Variants in ALLC observed in about 807,000 individuals in gnomAD.
ALLC encodes the protein probable inactive allantoicase.
A neutral mutation model predicts 45.0 loss-of-function variants in ALLC; 40 were observed. The ratio of observed to expected loss-of-function variants is 0.89; its 90% CI spans 0.69 to 1.16. The LOEUF (loss-of-function observed/expected upper bound fraction) is 1.16. Among genes scored for constraint, ALLC ranks in the 50% most tolerant of loss-of-function variants. The pLI is 0.00. For missense variants in ALLC, 488 were observed against 493.1 expected (o/e 0.99, Z 0.10); for synonymous variants, 176 against 178.1 (o/e 0.99, Z 0.09).
upstream of ALLC, among the ~76,000 whole-genome samples, chr2:3,654,490 C>T (rs770381489): frequency 9.2e-5 from 14 of 152,244 alleles, no homozygotes; most frequent in Non-Finnish European, 1.8e-4. Flanking sequence ...CTGGGGCCGT[C>T]TAGGAGGCTG....
intron 1 of ALLC, among the ~76,000 whole-genome samples, chr2:3,659,534 C>T (rs1402985596): frequency 6.6e-6 from 1 of 152,210 alleles, no homozygotes; most frequent in Non-Finnish European, 1.5e-5. Context: ...GGAGGGGTTG[C>T]AGCAATGAGC....
At chr2:3,666,800 G>A (rs1361334366) in intron 1 of ALLC, among the ~76,000 whole-genome samples, 1 of 152,152 alleles carries the variant, frequency 6.6e-6, no homozygotes, top group Non-Finnish European at 1.5e-5. Flanking sequence ...GACGGTGGTG[G>A]GTGAGCTCTG....
upstream of ALLC, among the ~76,000 whole-genome samples, chr2:3,654,367 C>T (rs149059768): frequency 1.7e-3 from 257 of 152,364 alleles, no homozygotes; most frequent in African/African-American, 5.9e-3. Flanking sequence ...TTTGATGGCG[C>T]AGCCTCGGAA....
At chr2:3,654,868 G>A (rs1325876093), upstream of ALLC, among the ~76,000 whole-genome samples, 2 of 152,252 alleles carry the variant, frequency 1.3e-5, no homozygotes, top group Non-Finnish European at 2.9e-5. Context: ...GTTTTCAGGC[G>A]AAGGTTGCCA....
chr2:3,679,732 C>A, intron 4 of ALLC, 137 bp from the exon 5 acceptor site: 1 of 1,171,872 alleles, frequency 8.5e-7, no homozygotes, highest in Non-Finnish European at 1.2e-6. Flanking sequence ...TAGCTAAGAA[C>A]CGCCCTGAAC....
intron 2 of ALLC, among the ~76,000 whole-genome samples, chr2:3,673,548 C>T (rs1666947797): frequency 6.6e-6 from 1 of 152,196 alleles, no homozygotes; most frequent in African/African-American, 2.4e-5. Context: ...GTGACCACAG[C>T]CTGTTTTGCT....
chr2:3,671,050 A>G (rs1572510415), intron 1 of ALLC, 46 bp from the exon 2 acceptor site: 3 of 1,190,798 alleles, frequency 2.5e-6, no homozygotes, highest in Admixed American at 2.0e-5. Flanking sequence ...GGCCTCACTC[A>G]CTCCCGCAGC....
At chr2:3,649,578 G>C in the ALLC span, among the ~76,000 whole-genome samples, 1 of 152,218 alleles carries the variant, frequency 6.6e-6, no homozygotes, top group Non-Finnish European at 1.5e-5. Flanking sequence ...AAGTAAATGT[G>C]GTTTACACAT....
chr2:3,689,186 A>G (rs568217594), intron 7 of ALLC, among the ~76,000 whole-genome samples: 16 of 150,596 alleles, frequency 1.1e-4, no homozygotes, highest in Non-Finnish European at 4.4e-5. Flanking sequence ...TGTTTTGTTG[A>G]TCCTCTGTAT....
chr2:3,659,289 C>A (rs1666512989), intron 1 of ALLC, among the ~76,000 whole-genome samples: 1 of 152,014 alleles, frequency 6.6e-6, no homozygotes, highest in Admixed American at 6.6e-5. Flanking sequence ...AGGCTAATCT[C>A]AAAAGAAAAA....
chr2:3,702,325 T>C (rs772588266), intron 11 of ALLC, 38 bp from the exon 12 acceptor site: 1 of 1,591,192 alleles, frequency 6.3e-7, no homozygotes, highest in African/African-American at 1.3e-5. Flanking sequence ...ACATGTCCTG[T>C]TAACAGACTA....
At chr2:3,647,091 ACT>A in the ALLC span, among the ~76,000 whole-genome samples, 1 of 151,346 alleles carries the variant, frequency 6.6e-6, no homozygotes, top group African/African-American at 2.4e-5. Flanking sequence ...TTGCCTCTGA[ACT>A]CTCTGGTTCG....
intron 10 of ALLC, among the ~76,000 whole-genome samples, chr2:3,699,431 T>A (rs146621145): frequency 0.021 from 3,188 of 152,322 alleles, 56 homozygotes; most frequent in Middle Eastern, 0.082. Context: ...TGATTCCACG[T>A]CTTTGCTATT....
intron 2 of ALLC, among the ~76,000 whole-genome samples, chr2:3,673,248 C>T (rs937270290): frequency 3.9e-5 from 6 of 152,224 alleles, no homozygotes; most frequent in African/African-American, 1.4e-4. Context: ...GTTGGGAGCA[C>T]GAGTCTGGAG....
rs771187886 is a variant in ALLC, at chr2:3,678,460, T to C, written c.85-8T>C. 7 of 1,612,294 alleles carry C rather than the reference T, an allele frequency of 4.3e-6. No homozygotes were observed. The South Asian group carries it at 7.7e-5, about 18-fold the overall frequency. The stretch of plus-strand genomic sequence containing the variant: ...TTAATGATCACCTTGTTGTGGTCTT[T>C]GCCCTAGAGTGACAGCCCGTGCTTC... On this transcript the variant is annotated splice_polypyrimidine_tract_variant and splice_region_variant and intron_variant, in intron 3 of 11. Transcript: ENST00000252505.
chr2:3,691,934 A>T (rs1411382528), intron 7 of ALLC, among the ~76,000 whole-genome samples: 2 of 152,120 alleles, frequency 1.3e-5, no homozygotes, highest in African/African-American at 4.8e-5. Context: ...ACGTTTTTCC[A>T]TTCAAAGTTT....
intron 9 of ALLC, among the ~76,000 whole-genome samples, chr2:3,697,070 T>A (rs550674792): frequency 6.6e-6 from 1 of 152,214 alleles, no homozygotes; most frequent in Admixed American, 6.5e-5. Context: ...CGAAGATTGC[T>A]GCACGTATAA....
At chr2:3,655,757 G>A (rs1666423143), upstream of ALLC, among the ~76,000 whole-genome samples, 1 of 152,208 alleles carries the variant, frequency 6.6e-6, no homozygotes, top group Non-Finnish European at 1.5e-5. Context: ...ACTGTGCCCA[G>A]CCTTAGAATG....
intron 1 of ALLC, among the ~76,000 whole-genome samples, chr2:3,665,686 A>G (rs1237292821): frequency 2.0e-5 from 3 of 152,172 alleles, no homozygotes; most frequent in East Asian, 3.8e-4. Context: ...GTCTATATGT[A>G]CCACATTTTC....
Sources: allele counts gnomAD v4.1 joint callset (sites outside exome capture counted in the v4.1 genomes callset), GRCh38; gene constraint gnomAD v4.1.1; transcripts MANE v1.5; gene names NCBI Gene and HGNC (gene_info 2026-07-23, HGNC 2026-07-21).